Variants in TTLL3 observed in about 807,000 individuals in gnomAD.
The protein encoded by TTLL3 is tubulin tyrosine ligase like 3.
TTLL3 carries 63 observed loss-of-function variants against 75.2 expected under a neutral mutation model. The observed-to-expected ratio is 0.84, with a 90% CI of 0.68 to 1.03. The LOEUF (loss-of-function observed/expected upper bound fraction) is 1.03, where lower values mean the gene tolerates loss of function less well. TTLL3 is among the 50% of genes least tolerant of loss of function. The pLI is 0.00. For synonymous variants in TTLL3, 393 were observed against 418.5 expected (o/e 0.94, Z 0.74); for missense variants, 997 against 1,069.9 (o/e 0.93, Z 0.95).
At chr3:9,813,197 G>A (rs192932739) in intron 3 of TTLL3, 51 bp from the exon 4 acceptor site, 3 of 1,613,828 alleles carry the variant, frequency 1.9e-6, no homozygotes, top group South Asian at 1.1e-5. Flanking sequence ...GGCCTTATGG[G>A]CTATGGGTCA....
chr3:9,829,448 G>A, intron 11 of TTLL3, 53 bp downstream of exon 11: 2 of 1,530,158 alleles, frequency 1.3e-6, no homozygotes, highest in South Asian at 2.6e-5. Flanking sequence ...CCTCTTCCAG[G>A]CAGCCCTGCA....
chr3:9,813,739 C>T (rs1322018438), intron 4 of TTLL3, among the ~76,000 whole-genome samples: 2 of 152,034 alleles, frequency 1.3e-5, no homozygotes, highest in African/African-American at 2.4e-5. Context: ...GAGCTATGAT[C>T]GCACCATTGC....
At chr3:9,826,030 G>A in intron 9 of TTLL3, 82 bp downstream of exon 9, 1 of 1,534,850 alleles carries the variant, frequency 6.5e-7, no homozygotes, top group East Asian at 2.3e-5. Flanking sequence ...AATAGTGCAG[G>A]TCTATTGAAG....
At chr3:9,816,264 C>T in intron 5 of TTLL3, 62 bp downstream of exon 5, 2 of 1,300,380 alleles carry the variant, frequency 1.5e-6, no homozygotes, top group South Asian at 2.5e-5. Flanking sequence ...GCTGGCAGCT[C>T]TCCTCCCTGC....
chr3:9,812,719 G>A (rs2079469464), intron 2 of TTLL3: 3 of 431,820 alleles, frequency 6.9e-6, no homozygotes, highest in Admixed American at 4.4e-5. Context: ...ATGCATGTAA[G>A]TGCTCAGCAT....
At chr3:9,830,009 A>G (rs1033907535) in intron 11 of TTLL3, among the ~76,000 whole-genome samples, 1 of 151,994 alleles carries the variant, frequency 6.6e-6, no homozygotes, top group Non-Finnish European at 1.5e-5. Context: ...CGCCTGGCTA[A>G]TTTTTGTATT....
At chr3:9,814,521 G>T (rs746712291) in intron 4 of TTLL3, among the ~76,000 whole-genome samples, 1 of 152,002 alleles carries the variant, frequency 6.6e-6, no homozygotes, top group Non-Finnish European at 1.5e-5. Flanking sequence ...AGTGGTGTAT[G>T]CCTGTAATCA....
chr3:9,817,191 G>A (rs1197402362), intron 5 of TTLL3, among the ~76,000 whole-genome samples: 11 of 152,230 alleles, frequency 7.2e-5, no homozygotes, highest in Admixed American at 5.2e-4. Flanking sequence ...TTGGGAGGCC[G>A]AGGCAGGCAG....
chr3:9,827,996 GC>G (rs1159113608), intron 10 of TTLL3: 1 of 152,080 alleles, frequency 6.6e-6, no homozygotes, highest in African/African-American at 2.4e-5. Context: ...ATAAAAATTA[GC>G]CGGGCGTGTT....
Position 9,810,561 on chromosome 3 carries a change from A to C in TTLL3, c.-41-60A>C, listed in dbSNP as rs1021658575. On this transcript the variant is annotated intron_variant, in intron 1 of 13. Coordinates refer to ENST00000685419, the MANE Select transcript of TTLL3 (RefSeq NM_001387446.1). This position sits in a 1 kb window ranked among gnomAD's most constrained non-coding sequence, Gnocchi z 4.4. ...GCTATGGGCGGCCAGAAAAGATCCT[A>C]GGCCGAGACCCTAGGCCCAGCCTCA... 2.0e-6 allele frequency: 3 copies of C among 1,517,930 alleles called. No homozygotes were observed. The African/African-American group carries it at 4.2e-5, about 21-fold the overall frequency. 94.0% of individuals were successfully genotyped at this position (1,517,930 alleles called of 1,614,324 possible).
intron 10 of TTLL3, 35 bp from the exon 11 acceptor site, chr3:9,828,925 G>A: frequency 2.5e-6 from 4 of 1,606,588 alleles, no homozygotes; most frequent in Non-Finnish European, 3.4e-6. Flanking sequence ...AGAGACACAA[G>A]GGCCTGGACC....
At chr3:9,819,871 C>G (rs2080250474) in intron 7 of TTLL3, 3 of 985,534 alleles carry the variant, frequency 3.0e-6, no homozygotes, top group Non-Finnish European at 3.6e-6. Context: ...CGGGTGTGGC[C>G]AGAGACCCCA....
chr3:9,813,181 A>G (rs11708462), intron 3 of TTLL3, 67 bp from the exon 4 acceptor site: 1 of 1,609,768 alleles, frequency 6.2e-7, no homozygotes, highest in Non-Finnish European at 8.5e-7. Context: ...ACTGTCCCAG[A>G]GTTGAGGCCT....
At chr3:9,820,206 A>G (rs2080278707) in intron 7 of TTLL3, 1 of 1,068,532 alleles carries the variant, frequency 9.4e-7, no homozygotes, top group East Asian at 6.7e-5. Context: ...CTGGGTTCAC[A>G]TAGGCCAAGA....
At chr3:9,832,291 T>C (rs2081627348) in intron 11 of TTLL3, among the ~76,000 whole-genome samples, 3 of 152,090 alleles carry the variant, frequency 2.0e-5, no homozygotes, top group Admixed American at 2.0e-4. Context: ...TTTGGTTATG[T>C]TGGCCAGGCT....
intron 12 of TTLL3, 111 bp downstream of exon 12, chr3:9,833,356 G>A (rs370137919): frequency 9.9e-6 from 15 of 1,521,182 alleles, no homozygotes; most frequent in African/African-American, 1.4e-5. Flanking sequence ...TTCAGCCCCC[G>A]GAAAGGGGAA....
chr3:9,835,964 C>A lies in TTLL3; in HGVS notation c.*475C>A, dbSNP rs1000911661. On this transcript the variant is annotated 3_prime_UTR_variant, in exon 14 of 14. Transcript: ENST00000685419. ...AGTTGTAGTGGGTTGAACTGTGGTC[C>A]CCTGAAAAGAGATGTCTACTTGGAC... is the stretch of plus-strand genomic sequence containing the variant. 5 of 154,530 alleles carry A rather than the reference C, an allele frequency of 3.2e-5. No individual in the cohort carries two copies. Among genetic ancestry groups the A allele is most frequent in the African/African-American group, 1.2e-4 (5 of 41,500 alleles). 9.6% of individuals were successfully genotyped at this position (154,530 alleles called of 1,614,324 possible). A position where few individuals can be genotyped will look rare whatever the true frequency, so the allele number is the denominator to read the frequency against.
Position 9,830,991 on chromosome 3 carries a change from T to C in TTLL3, c.1683+1596T>C, listed in dbSNP as rs546285100. ...CTAATTTTTTGTATTTTAGTAGAGA[T>C]GGGGTTTCACCATGTTAGCCAGGAT... On this transcript the variant is annotated intron_variant, in intron 11 of 13. Coordinates refer to ENST00000685419, the MANE Select transcript of TTLL3 (RefSeq NM_001387446.1). Among the ~76,000 whole-genome samples the C allele has an allele frequency of 3.9e-4, 60 of 152,174 alleles. No homozygotes were observed. The South Asian group carries it at 7.1e-3, about 18-fold the overall frequency.
intron 8 of TTLL3, chr3:9,825,463 C>A: frequency 2.8e-6 from 1 of 359,070 alleles, no homozygotes; most frequent in Non-Finnish European, 5.5e-6. Flanking sequence ...CATAGTGGTG[C>A]TTTATCATTA....
Sources: allele counts gnomAD v4.1 joint callset (sites outside exome capture counted in the v4.1 genomes callset), GRCh38; gene constraint gnomAD v4.1.1; non-coding constraint Gnocchi (gnomAD v3.1); transcripts MANE v1.5; gene names NCBI Gene and HGNC (gene_info 2026-07-23, HGNC 2026-07-21).